The following SHB variants were observed in gnomAD, a reference collection of about 807,000 sequenced individuals.
SHB encodes the protein SH2 domain containing adaptor protein B.
SHB carries 20 observed loss-of-function variants against 52.3 expected under a neutral mutation model. The ratio of observed to expected loss-of-function variants is 0.38; its 90% CI spans 0.27 to 0.56. The LOEUF (loss-of-function observed/expected upper bound fraction) is 0.56, where lower values mean the gene tolerates loss of function less well. SHB is among the 20% of genes least tolerant of loss of function. The pLI is 0.71. For missense variants in SHB, 825 were observed against 723.3 expected (o/e 1.14, Z -1.61); for synonymous variants, 397 against 316.5 (o/e 1.25, Z -2.70).
intron 2 of SHB, among the ~76,000 whole-genome samples, chr9:37,990,755 T>C (rs1048372071): frequency 1.3e-5 from 2 of 152,128 alleles, no homozygotes; most frequent in African/African-American, 4.8e-5. Flanking sequence ...GACCAGAAAC[T>C]AGGAATAACC....
At chr9:38,038,196 C>A (rs897490680) in intron 1 of SHB, among the ~76,000 whole-genome samples, 1 of 152,010 alleles carries the variant, frequency 6.6e-6, no homozygotes, top group African/African-American at 2.4e-5. Context: ...AGCTCAGCAG[C>A]ACACAACAGG....
intron 5 of SHB, among the ~76,000 whole-genome samples, chr9:37,939,154 A>G (rs1010859738): frequency 6.6e-6 from 1 of 152,202 alleles, no homozygotes; most frequent in African/African-American, 2.4e-5. Flanking sequence ...CTCATCAGGT[A>G]TGTAGGCCGC....
chr9:37,924,863 C>T (rs1179053502), intron 5 of SHB, among the ~76,000 whole-genome samples: 1 of 152,138 alleles, frequency 6.6e-6, no homozygotes, highest in Admixed American at 6.6e-5. Context: ...GGATTTGAAC[C>T]TATGTTTGTT....
chr9:37,950,549 G>A (rs576186878), intron 4 of SHB, among the ~76,000 whole-genome samples: 22 of 152,316 alleles, frequency 1.4e-4, no homozygotes, highest in East Asian at 1.2e-3. Context: ...GTCTCTGCGC[G>A]GTAGTGGAGG....
chr9:38,033,164 C>T (rs1418733192), intron 1 of SHB, among the ~76,000 whole-genome samples: 1 of 152,196 alleles, frequency 6.6e-6, no homozygotes, highest in Non-Finnish European at 1.5e-5. Context: ...GATGAGGCGG[C>T]CCTCAGGGTC....
chr9:37,935,475 T>C (rs572505099), intron 5 of SHB, among the ~76,000 whole-genome samples: 196 of 152,164 alleles, frequency 1.3e-3, no homozygotes, highest in Admixed American at 3.1e-3. Context: ...AGGGCTGGGA[T>C]GTAGAGCACT....
chr9:38,003,069 C>T (rs905611161), intron 2 of SHB, among the ~76,000 whole-genome samples: 1 of 152,180 alleles, frequency 6.6e-6, no homozygotes, highest in Non-Finnish European at 1.5e-5. Context: ...AGCCCTTCCT[C>T]CTAATTTCTG....
intron 2 of SHB, among the ~76,000 whole-genome samples, chr9:37,984,045 G>GA (rs768324581): frequency 4.7e-4 from 71 of 152,364 alleles, no homozygotes; most frequent in Non-Finnish European, 8.1e-4. Context: ...CTAGAGGGGA[G>GA]AAAACGGCAC....
At chr9:38,012,814 C>T (rs535449683) in intron 2 of SHB, among the ~76,000 whole-genome samples, 11 of 149,070 alleles carry the variant, frequency 7.4e-5, no homozygotes, top group East Asian at 2.0e-4. Flanking sequence ...ACAAGTTACA[C>T]GCTCACATAC....
At chr9:38,021,482 T>C (rs140177575) in intron 1 of SHB, among the ~76,000 whole-genome samples, 125 of 151,302 alleles carry the variant, frequency 8.3e-4, no homozygotes, top group African/African-American at 2.8e-3. Flanking sequence ...CTATCCAACA[T>C]ATAGTGAAAC....
intron 4 of SHB, among the ~76,000 whole-genome samples, chr9:37,953,543 A>G (rs1171956831): frequency 6.6e-6 from 1 of 151,880 alleles, no homozygotes. Context: ...GTGGGGACAG[A>G]CCCTGAGCAC....
At chr9:37,931,348 G>A (rs1190325486) in intron 5 of SHB, among the ~76,000 whole-genome samples, 4 of 152,020 alleles carry the variant, frequency 2.6e-5, no homozygotes, top group Non-Finnish European at 5.9e-5. Context: ...TCTGATAAAG[G>A]GTTAACATCC....
chr9:38,049,021 T>A (rs1821698883), intron 1 of SHB, among the ~76,000 whole-genome samples: 1 of 152,098 alleles, frequency 6.6e-6, no homozygotes, highest in Non-Finnish European at 1.5e-5. Context: ...GAAACGAACA[T>A]CCTTTTTATT....
intron 2 of SHB, among the ~76,000 whole-genome samples, chr9:37,988,262 C>T (rs1009270861): frequency 6.6e-6 from 1 of 152,098 alleles, no homozygotes; most frequent in African/African-American, 2.4e-5. Flanking sequence ...GCCTGGCTCC[C>T]CGCTCACCAG....
At chr9:37,982,764 A>C (rs1587227843) in intron 2 of SHB, among the ~76,000 whole-genome samples, 1 of 151,948 alleles carries the variant, frequency 6.6e-6, no homozygotes, top group South Asian at 2.1e-4. Context: ...ACGCTATTGC[A>C]CTCCAGCCTG....
chr9:37,985,407 T>C (rs1820792774), intron 2 of SHB, among the ~76,000 whole-genome samples: 1 of 152,240 alleles, frequency 6.6e-6, no homozygotes, highest in African/African-American at 2.4e-5. Context: ...CACGTGGACC[T>C]TGCCGTGCAG....
At chr9:37,949,855 G>A (rs1011404856) in intron 4 of SHB, among the ~76,000 whole-genome samples, 4 of 152,228 alleles carry the variant, frequency 2.6e-5, no homozygotes, top group Non-Finnish European at 5.9e-5. Flanking sequence ...GAGGGCAGGC[G>A]GCAGAATCTG....
intron 1 of SHB, among the ~76,000 whole-genome samples, chr9:38,053,375 C>A (rs975271669): frequency 6.6e-6 from 1 of 152,078 alleles, no homozygotes; most frequent in African/African-American, 2.4e-5. Context: ...GTAGCTGGGA[C>A]TACAGGCGCT....
At chr9:37,974,531 C>A (rs1180390440) in intron 3 of SHB, 91 bp downstream of exon 3, 3 of 1,094,260 alleles carry the variant, frequency 2.7e-6, no homozygotes, top group Non-Finnish European at 4.0e-6. Context: ...ATTAAACAAC[C>A]CTGGAGTTTG....
Sources: gnomAD v4.1 joint callset for allele counts (sites outside exome capture counted in the v4.1 genomes callset) on GRCh38, gnomAD v4.1.1 for gene constraint, MANE v1.5 for transcripts, NCBI Gene and HGNC (gene_info 2026-07-23, HGNC 2026-07-21) for gene names.